PALB2: variants seen among roughly 807,000 people sequenced by gnomAD.
PALB2 encodes the protein partner and localizer of BRCA2.
In PALB2, 82 loss-of-function variants were observed where a neutral mutation model predicts 107.4. The observed-to-expected ratio is 0.76, with a 90% CI of 0.64 to 0.92. PALB2 has a LOEUF of 0.92. Among genes scored for constraint, PALB2 ranks in the 40% least tolerant of loss-of-function variants. The pLI is 0.00. For synonymous variants in PALB2, 489 were observed against 496.8 expected (o/e 0.98, Z 0.21); for missense variants, 1,374 against 1,379.9 (o/e 1.00, Z 0.07).
At position 23,634,952 on chromosome 16, in the gene PALB2, G is replaced by A. The variant is rs763007754; in HGVS notation, c.1594C>T (p.Pro532Ser). The A allele has an allele frequency of 1.9e-6, 3 of 1,614,006 alleles. No individual in the cohort carries two copies. In the African/African-American group the frequency reaches 4.0e-5, roughly 22 times the overall value. ...PASDHCEPLLPTSSLSIVNRS... is the reference protein window; with the variant it reads ...PASDHCEPLLSTSSLSIVNRS... ...TTAACAATCGACAGGCTAGAAGTTG[G>A]CAAAAGTGGTTCACAATGATCTGAT... Residue 532 changes from proline (P) to serine (S), a missense_variant, in exon 4 of 13, where the codon CCA (proline) becomes TCA (serine). Coordinates refer to ENST00000261584, the MANE Select transcript of PALB2 (RefSeq NM_024675.4).
intron 9 of PALB2, 67 bp from the exon 10 acceptor site, chr16:23,621,545 G>A (rs1203177617): frequency 1.0e-5 from 10 of 981,416 alleles, no homozygotes; most frequent in Admixed American, 1.7e-5. Context: ...GCCCTTCTCC[G>A]CATTGTTGAA....
At position 23,635,066 on chromosome 16, in the gene PALB2, TG is replaced by T. The variant is rs515726071; in HGVS notation, c.1479del (p.Thr494LeufsTer67). On this transcript the variant is annotated frameshift_variant, in exon 4 of 13. Coordinates refer to ENST00000261584, the MANE Select transcript of PALB2 (RefSeq NM_024675.4). LOFTEE classifies it high-confidence loss of function. ...SLTKVSSPAG[P>X]TEDNDLSRKA... ...TTCCTAGACAAGTCATTATCTTCAG[TG>T]GGCCCAGCGGGAGAGCTGACTTTAG... 3.7e-6 allele frequency: 6 copies of T among 1,614,048 alleles called. No homozygotes were observed. In the African/African-American group the frequency reaches 6.7e-5, roughly 18 times the overall value.
In PALB2 at chr16:23,608,801, T is replaced by TATATATACACACAC. The variant is rs560756242; in HGVS notation, c.3202-790_3202-789insGTGTGTGTATATAT. ...ATATTACTGTATGTGTGTATATATA[T>TATATATACACACAC]ACACACACACACACACACACACATA... On this transcript the variant is annotated intron_variant, in intron 11 of 12. Transcript: ENST00000261584. 1.1e-3 allele frequency among the ~76,000 whole-genome samples: 163 copies of TATATATACACACAC among 143,788 alleles called. 1 individual carries two copies. Among genetic ancestry groups the TATATATACACACAC allele is most frequent in the South Asian group, 2.6e-3 (12 of 4,558 alleles). 94.3% of individuals were successfully genotyped at this position (143,788 alleles called of 152,430 possible).
At chr16:23,613,377 C>G (rs1267983709) in intron 11 of PALB2, among the ~76,000 whole-genome samples, 1 of 152,104 alleles carries the variant, frequency 6.6e-6, no homozygotes, top group Non-Finnish European at 1.5e-5. Context: ...GGCACTGTGG[C>G]TCACATCTGT....
chr16:23,610,047 C>G (rs1315054784), intron 11 of PALB2, among the ~76,000 whole-genome samples: 1 of 152,120 alleles, frequency 6.6e-6, no homozygotes, highest in Non-Finnish European at 1.5e-5. Flanking sequence ...TGAAAAACAT[C>G]AGAAAAATAA....
At position 23,629,768 on chromosome 16, in the gene PALB2, C is replaced by A. The variant is rs180177112; in HGVS notation, c.2386G>T (p.Gly796Ter). 4 of 1,614,074 alleles carry A rather than the reference C, an allele frequency of 2.5e-6. No individual in the cohort carries two copies. The highest frequency in any genetic ancestry group is 1.3e-5 in the African/African-American group (1 of 74,944). Reference protein sequence around the residue: ...HTTLQVSGRQGQPTCDCDSVP... With the variant: ...HTTLQVSGRQ ...GAGTCACAGTCACAGGTAGGTTGTC[C>A]TTGCCTGCCTGACACTTGCAGGGTG... The change falls in exon 5 of 13, where the codon GGA becomes TGA. Residue 796 changes from glycine to a stop codon, truncating the protein, a stop_gained. Coordinates refer to ENST00000261584, the MANE Select transcript of PALB2 (RefSeq NM_024675.4). LOFTEE classifies it high-confidence loss of function.
chr16:23,616,679 A>G (rs1255910074), intron 10 of PALB2, among the ~76,000 whole-genome samples: 1 of 152,172 alleles, frequency 6.6e-6, no homozygotes, highest in African/African-American at 2.4e-5. Context: ...ATACCTACTG[A>G]ATGTTTGGAA....
intron 11 of PALB2, among the ~76,000 whole-genome samples, chr16:23,613,646 A>G (rs1159844688): frequency 6.8e-6 from 1 of 147,590 alleles, no homozygotes; most frequent in East Asian, 1.9e-4. Context: ...CTCCATCCCA[A>G]AAAAAAAAAA....
Position 23,631,888 on chromosome 16 carries a change from C to T in PALB2, c.1685-1419G>A, listed in dbSNP as rs185682079. On this transcript the variant is annotated intron_variant, in intron 4 of 12. Transcript: ENST00000261584. ...TCAAGACGAGGTCTCACTCTGTTGCCCAGGCTGGAGTGCAGTGGCGAGATC... is the reference window on the plus strand; with the variant it reads ...TCAAGACGAGGTCTCACTCTGTTGCTCAGGCTGGAGTGCAGTGGCGAGATC... Among the ~76,000 whole-genome samples the T allele has an allele frequency of 7.9e-5, 12 of 152,202 alleles. No homozygotes were observed. The East Asian group carries it at 2.3e-3, about 29-fold the overall frequency.
At chr16:23,630,530 TCAC>T in intron 4 of PALB2, 61 bp from the exon 5 acceptor site, 8 of 1,303,852 alleles carry the variant, frequency 6.1e-6, no homozygotes, top group Non-Finnish European at 8.7e-6. Flanking sequence ...ACAATCTGTT[TCAC>T]TGATGACAAA....
intron 10 of PALB2, 116 bp from the exon 11 acceptor site, chr16:23,614,207 G>A (rs1413758674): frequency 1.9e-5 from 14 of 735,044 alleles, no homozygotes; most frequent in Non-Finnish European, 2.3e-5. Flanking sequence ...AAAACTAAGA[G>A]CTCCTTAGTT....
chr16:23,636,012 T>C lies in PALB2; in HGVS notation c.534A>G (p.Glu178=), dbSNP rs758733690. 1 of 1,614,160 alleles carries C rather than the reference T, an allele frequency of 6.2e-7. No homozygotes were observed. Among genetic ancestry groups the C allele is most frequent in the South Asian group, 1.1e-5 (1 of 91,082 alleles). The change falls in exon 4 of 13, where the codon GAA becomes GAG. Residue 178 remains glutamate (E), a synonymous_variant. Coordinates refer to ENST00000261584, the MANE Select transcript of PALB2 (RefSeq NM_024675.4). The stretch of plus-strand genomic sequence containing the variant: ...GATTTTTGCTACTGATTTCTTCCTG[T>C]TCCTTTAGTCTTTTCCCAGACAATC... ...SLRLSGKRLK[E]QEEISSKNPA...
chr16:23,623,501 C>CT (rs1189941589), intron 8 of PALB2, among the ~76,000 whole-genome samples: 1,143 of 62,536 alleles, frequency 0.018, 237 homozygotes, highest in African/African-American at 0.064. Context: ...CATACCCGGC[C>CT]TTTTTTTTTT....
intron 1 of PALB2, among the ~76,000 whole-genome samples, chr16:23,638,933 C>T (rs1967134030): frequency 6.6e-6 from 1 of 152,108 alleles, no homozygotes; most frequent in Non-Finnish European, 1.5e-5. Context: ...AGGTTACCTA[C>T]GTTTGAGGAA....
At chr16:23,624,464 T>C (rs937262983) in intron 7 of PALB2, among the ~76,000 whole-genome samples, 5 of 152,186 alleles carry the variant, frequency 3.3e-5, no homozygotes, top group Non-Finnish European at 7.3e-5. Flanking sequence ...TTGTATATAT[T>C]TGGAGAGCAA....
At position 23,603,438 on chromosome 16, in the gene PALB2, G is replaced by A. The variant is rs557533790; in HGVS notation, c.*21C>T. The stretch of plus-strand genomic sequence containing the variant: ...AGAGGCCCAATATATCCAGAAAATT[G>A]TGTTTTCACTTTACCCTAACTTATG... On this transcript the variant is annotated 3_prime_UTR_variant, in exon 13 of 13. Transcript: ENST00000261584. 6.3e-7 allele frequency: 1 copy of A among 1,585,540 alleles called. No homozygotes were observed. The highest frequency in any genetic ancestry group is 1.7e-5 in the Admixed American group (1 of 59,932).
chr16:23,608,734 T>TA (rs1966526716), intron 11 of PALB2, among the ~76,000 whole-genome samples: 2 of 151,568 alleles, frequency 1.3e-5, no homozygotes, highest in Non-Finnish European at 1.5e-5. Context: ...GAAAATGTGT[T>TA]AAAGTTCTCT....
intron 11 of PALB2, among the ~76,000 whole-genome samples, chr16:23,611,522 ACT>A (rs1438314525): frequency 6.7e-6 from 1 of 149,962 alleles, no homozygotes; most frequent in Non-Finnish European, 1.5e-5. Context: ...GCAGTGGCAC[ACT>A]CTCGGCTCAC....
rs201433483 is a variant in PALB2, at chr16:23,640,802, C to CG, written c.48+307dup. The CG allele has an allele frequency of 1.4e-3, 492 of 344,158 alleles. 2 individuals carry two copies. The highest frequency in any genetic ancestry group is 9.4e-3 in the African/African-American group (450 of 47,962). The allele number at this position is 344,158 out of a possible 1,614,324, so 21.3% of individuals were successfully genotyped here. The stretch of plus-strand genomic sequence containing the variant: ...CTTAAAAGATTTACTTGAGGCCGTC[C>CG]GGGGGGAGAAGTAAAGATTGAGGGT... On this transcript the variant is annotated intron_variant, in intron 1 of 12. Transcript: ENST00000261584.
Sources: gnomAD v4.1 joint callset for allele counts (sites outside exome capture counted in the v4.1 genomes callset) on GRCh38, gnomAD v4.1.1 for gene constraint, MANE v1.5 for transcripts, NCBI Gene and HGNC (gene_info 2026-07-23, HGNC 2026-07-21) for gene names.